Variants in GIGYF2 observed in about 807,000 individuals in gnomAD.
GIGYF2 encodes the protein GRB10-interacting GYF protein 2.
A neutral mutation model predicts 208.1 loss-of-function variants in GIGYF2; 25 were observed. The ratio of observed to expected loss-of-function variants is 0.12; its 90% CI spans 0.09 to 0.17. The LOEUF is 0.17. Among genes scored for constraint, GIGYF2 ranks in the 10% least tolerant of loss-of-function variants. GIGYF2 has a pLI of 1.00. For synonymous variants in GIGYF2, 534 were observed against 543.8 expected (o/e 0.98, Z 0.25); for missense variants, 1,302 against 1,579.4 (o/e 0.82, Z 2.98).
chr2:232,835,535 T>A (rs1049501353), intron 22 of GIGYF2, among the ~76,000 whole-genome samples: 2 of 152,188 alleles, frequency 1.3e-5, no homozygotes, highest in African/African-American at 4.8e-5. Flanking sequence ...GCATGTATCG[T>A]AATTTTTTAT....
intron 2 of GIGYF2, among the ~76,000 whole-genome samples, chr2:232,718,506 A>T (rs1195906259): frequency 6.6e-6 from 1 of 152,170 alleles, no homozygotes; most frequent in Non-Finnish European, 1.5e-5. Flanking sequence ...CCCAAATGTC[A>T]GTTTTTGACA....
intron 2 of GIGYF2, among the ~76,000 whole-genome samples, chr2:232,721,114 C>T (rs551094297): frequency 4.2e-4 from 64 of 152,310 alleles, no homozygotes; most frequent in Non-Finnish European, 7.2e-4. Context: ...CCTTCAGAGG[C>T]ACTGTCTTTT....
At chr2:232,762,472 T>C (rs1574848225) in intron 8 of GIGYF2, among the ~76,000 whole-genome samples, 1 of 151,982 alleles carries the variant, frequency 6.6e-6, no homozygotes, top group South Asian at 2.1e-4. Context: ...AGGCTGATCT[T>C]GAACTCCTGA....
chr2:232,733,144 C>G (rs1328670340), intron 2 of GIGYF2, among the ~76,000 whole-genome samples: 1 of 151,818 alleles, frequency 6.6e-6, no homozygotes, highest in East Asian at 1.9e-4. Context: ...GTAGTCCCAG[C>G]TACTCGGGAG....
chr2:232,839,038 G>A (rs564655619), intron 22 of GIGYF2, among the ~76,000 whole-genome samples: 45 of 152,032 alleles, frequency 3.0e-4, no homozygotes, highest in African/African-American at 1.1e-3. Flanking sequence ...GGACTGTTTG[G>A]CATTTTATTT....
At chr2:232,771,513 C>G in intron 8 of GIGYF2, 2 of 573,288 alleles carry the variant, frequency 3.5e-6, no homozygotes, top group Non-Finnish European at 6.1e-6. Context: ...TCGCTTTTCT[C>G]TTCACGTTAG....
intron 18 of GIGYF2, among the ~76,000 whole-genome samples, chr2:232,814,123 T>C (rs1002664708): frequency 6.6e-6 from 1 of 151,882 alleles, no homozygotes; most frequent in African/African-American, 2.4e-5. Context: ...TGGCCTCAAG[T>C]GATCCGCCTG....
intron 2 of GIGYF2, among the ~76,000 whole-genome samples, chr2:232,710,850 T>G (rs1325172000): frequency 6.6e-6 from 1 of 151,806 alleles, no homozygotes; most frequent in Non-Finnish European, 1.5e-5. Flanking sequence ...CAGGCACCCA[T>G]TACCATGTCC....
chr2:232,847,703 A>G (rs1702068649), intron 27 of GIGYF2, 132 bp downstream of exon 27: 1 of 1,236,108 alleles, frequency 8.1e-7, no homozygotes, highest in Non-Finnish European at 1.1e-6. Flanking sequence ...AAAAATGTGT[A>G]TACTTCATAT....
intron 2 of GIGYF2, among the ~76,000 whole-genome samples, chr2:232,715,622 G>GTTT (rs754679929): frequency 1.3e-5 from 2 of 151,762 alleles, no homozygotes; most frequent in Non-Finnish European, 2.9e-5. Context: ...TAGGTAAAAT[G>GTTT]TTTAGTAATA....
Position 232,835,258 on chromosome 2 carries a change from A to G in GIGYF2, c.2766+2165A>G, listed in dbSNP as rs1313442382. On this transcript the variant is annotated intron_variant, in intron 22 of 28. Coordinates refer to ENST00000373563, the MANE Select transcript of GIGYF2 (RefSeq NM_001103146.3). ...ATCCTCTGTTGATGGGCAGTTTTTA[A>G]TTTCAGTTATTATACTTTGGTACTC... Among the ~76,000 whole-genome samples the G allele has an allele frequency of 2.0e-5, 3 of 152,038 alleles. No individual in the cohort carries two copies. In the East Asian group the frequency reaches 5.8e-4, roughly 29 times the overall value.
chr2:232,702,378 G>T (rs1695888558), intron 1 of GIGYF2, among the ~76,000 whole-genome samples: 1 of 151,956 alleles, frequency 6.6e-6, no homozygotes, highest in Non-Finnish European at 1.5e-5. Context: ...GGCGGAGGTT[G>T]CCTTGAGCCC....
intron 8 of GIGYF2, among the ~76,000 whole-genome samples, chr2:232,764,792 G>A (rs954922281): frequency 6.6e-6 from 1 of 152,160 alleles, no homozygotes; most frequent in Non-Finnish European, 1.5e-5. Flanking sequence ...GGTTTTAACT[G>A]TTCACACATA....
intron 5 of GIGYF2, among the ~76,000 whole-genome samples, chr2:232,755,390 C>T (rs1335926862): frequency 2.0e-5 from 3 of 152,100 alleles, no homozygotes; most frequent in South Asian, 2.1e-4. Context: ...AGGCTAGTCT[C>T]GAACTCCTGA....
rs555084454 is a variant in GIGYF2, at chr2:232,847,697, A to G, written c.3684+126A>G. The G allele has an allele frequency of 1.6e-5, 21 of 1,288,238 alleles. No homozygotes were observed. In the African/African-American group the frequency reaches 2.8e-4, roughly 17 times the overall value. The allele number at this position is 1,288,238 out of a possible 1,614,324, so 79.8% of individuals were successfully genotyped here. ...ATATCCAATAACCATGCTTTAAAAA[A>G]TGTGTATACTTCATATTTTCAAATT... is the stretch of plus-strand genomic sequence containing the variant. On this transcript the variant is annotated intron_variant, in intron 27 of 28. Transcript: ENST00000373563.
rs771524913 is a variant in GIGYF2, at chr2:232,811,358, G to A, written c.2006+7G>A. On this transcript the variant is annotated splice_region_variant and intron_variant, in intron 17 of 28. Coordinates refer to ENST00000373563, the MANE Select transcript of GIGYF2 (RefSeq NM_001103146.3). ...TTCAGACCTTGAAGATGAGGTTGGT[G>A]GTCATTCCATTATGTGTCATATGGG... 8 of 1,480,278 alleles carry A rather than the reference G, an allele frequency of 5.4e-6. No individual in the cohort carries two copies. In the South Asian group the frequency reaches 6.8e-5, roughly 13 times the overall value. The allele number at this position is 1,480,278 out of a possible 1,614,324, so 91.7% of individuals were successfully genotyped here. A position where few individuals can be genotyped will look rare whatever the true frequency, so the allele number is the denominator to read the frequency against.
intron 2 of GIGYF2, among the ~76,000 whole-genome samples, chr2:232,708,807 ACT>A (rs1235473434): frequency 6.6e-6 from 1 of 150,710 alleles, no homozygotes; most frequent in Non-Finnish European, 1.5e-5. Flanking sequence ...ACAGAATGAG[ACT>A]CTGTCTCAAA....
intron 8 of GIGYF2, among the ~76,000 whole-genome samples, chr2:232,786,850 T>G (rs1699926954): frequency 1.3e-5 from 2 of 152,176 alleles, no homozygotes; most frequent in Non-Finnish European, 2.9e-5. Flanking sequence ...TTGGTGATGG[T>G]TCCTTCTGGG....
At chr2:232,748,957 A>C in intron 4 of GIGYF2, 30 bp from the exon 5 acceptor site, 1 of 940,920 alleles carries the variant, frequency 1.1e-6, no homozygotes, top group South Asian at 1.3e-5. Context: ...AAATAGCATT[A>C]ATCTCATAAT....
Sources: gnomAD v4.1 joint callset for allele counts (sites outside exome capture counted in the v4.1 genomes callset) on GRCh38, gnomAD v4.1.1 for gene constraint, MANE v1.5 for transcripts, NCBI Gene and HGNC (gene_info 2026-07-23, HGNC 2026-07-21) for gene names.